SSBP1: variants seen among roughly 807,000 people sequenced by gnomAD.
SSBP1 encodes single-stranded DNA-binding protein, mitochondrial.
Under a neutral mutation model 27.0 loss-of-function variants are expected in SSBP1, and 20 were observed. The observed-to-expected ratio is 0.74, with a 90% CI of 0.52 to 1.08. The LOEUF (loss-of-function observed/expected upper bound fraction) is 1.08. Ranked by LOEUF, SSBP1 falls within the 50% of genes least tolerant of loss-of-function variation. The pLI is 0.00. For missense variants in SSBP1, 137 were observed against 182.4 expected, an observed-to-expected ratio of 0.75 and a Z score of 1.44; for synonymous variants, 59 against 59.3, an observed-to-expected ratio of 1.00 and a Z score of 0.02.
At chr7:141,749,012 A>G (rs1238231194) in intron 6 of SSBP1, among the ~76,000 whole-genome samples, 1 of 152,248 alleles carries the variant, frequency 6.6e-6, no homozygotes, top group African/African-American at 2.4e-5. Flanking sequence ...TTTTGGAATT[A>G]TAAAGGAAAT....
chr7:141,739,753 T>A (rs1292407224), intron 2 of SSBP1: 1 of 152,236 alleles, frequency 6.6e-6, no homozygotes, highest in Non-Finnish European at 1.5e-5. Flanking sequence ...GGGCACCAGC[T>A]CCTGTAGATT....
chr7:141,739,122 A>G lies in SSBP1; in HGVS notation c.-43-2A>G. The G allele has an allele frequency of 6.4e-7, 1 of 1,552,476 alleles. No individual in the cohort carries two copies. Among genetic ancestry groups the G allele is most frequent in the Non-Finnish European group, 8.7e-7 (1 of 1,153,442 alleles). On this transcript the variant is annotated splice_acceptor_variant, in intron 1 of 6. Transcript: ENST00000265304. LOFTEE classifies it low-confidence loss of function (5UTR_SPLICE). ...TTTTCTTATTTTGTTTTTTTCCTTC[A>G]GGAAAAGCCTAAAGATTAGACTGTA...
In SSBP1 at chr7:141,741,846, A is replaced by G. The variant is rs1032152824; in HGVS notation, c.25-323A>G. ...TACTCTGTAATGTTAAAGTGATACT[A>G]TTTTGATTTTTCCTTTTGTGTGCAA... On this transcript the variant is annotated intron_variant, in intron 2 of 6. Coordinates refer to ENST00000265304, the MANE Select transcript of SSBP1 (RefSeq NM_003143.3). The G allele has an allele frequency of 7.9e-6, 8 of 1,010,124 alleles. No individual in the cohort carries two copies. In the East Asian group the frequency reaches 3.3e-4, roughly 42 times the overall value. The allele number at this position is 1,010,124 out of a possible 1,614,324, so 62.6% of individuals were successfully genotyped here. A position where few individuals can be genotyped will look rare whatever the true frequency, so the allele number is the denominator to read the frequency against.
chr7:141,745,165 G>A (rs924135237), intron 5 of SSBP1, among the ~76,000 whole-genome samples: 1 of 152,104 alleles, frequency 6.6e-6, no homozygotes, highest in African/African-American at 2.4e-5. Flanking sequence ...CAAAATCAAA[G>A]GTCAAGGAAA....
chr7:141,748,961 A>G (rs1331168197), intron 6 of SSBP1, among the ~76,000 whole-genome samples: 1 of 152,232 alleles, frequency 6.6e-6, no homozygotes, highest in Non-Finnish European at 1.5e-5. Flanking sequence ...TCATGAACAA[A>G]TATTCAGTCC....
Position 141,744,132 on chromosome 7 carries a change from C to G in SSBP1, c.314+143C>G, listed in dbSNP as rs1429925092. ...TAATTTAAGAGGTATTTACTAAGTC[C>G]TTGATACTATATGCATGGCATGTTG... is the stretch of plus-strand genomic sequence containing the variant. On this transcript the variant is annotated intron_variant, in intron 5 of 6. Coordinates refer to ENST00000265304, the MANE Select transcript of SSBP1 (RefSeq NM_003143.3). 6 of 680,516 alleles carry G rather than the reference C, an allele frequency of 8.8e-6. No homozygotes were observed. The Admixed American group carries it at 2.0e-4, about 23-fold the overall frequency. 42.2% of individuals were successfully genotyped at this position (680,516 alleles called of 1,614,324 possible). A position where few individuals can be genotyped will look rare whatever the true frequency, so the allele number is the denominator to read the frequency against.
intron 6 of SSBP1, among the ~76,000 whole-genome samples, chr7:141,746,910 A>C (rs1289001293): frequency 6.6e-6 from 1 of 152,234 alleles, no homozygotes; most frequent in Non-Finnish European, 1.5e-5. Flanking sequence ...AAAAAATACC[A>C]GTTCAGCATT....
chr7:141,749,592 G>T (rs201080433), intron 6 of SSBP1, among the ~76,000 whole-genome samples: 1 of 152,158 alleles, frequency 6.6e-6, no homozygotes, highest in Non-Finnish European at 1.5e-5. Flanking sequence ...GACCAGCCTG[G>T]CCAACATGGT....
intron 6 of SSBP1, among the ~76,000 whole-genome samples, chr7:141,749,660 T>C (rs1423225906): frequency 2.0e-5 from 3 of 152,126 alleles, no homozygotes; most frequent in Non-Finnish European, 4.4e-5. Context: ...TGCACACCTA[T>C]AATCCCAGCT....
chr7:141,743,822 T>G (rs1799663379), intron 4 of SSBP1, 80 bp from the exon 5 acceptor site: 1 of 1,550,088 alleles, frequency 6.5e-7, no homozygotes, highest in African/African-American at 1.4e-5. Flanking sequence ...CTGTTTGTTC[T>G]CTTAGAAATC....
At chr7:141,739,764 C>A (rs535024572) in intron 2 of SSBP1, 3 of 152,320 alleles carry the variant, frequency 2.0e-5, no homozygotes, top group Admixed American at 6.5e-5. Flanking sequence ...CCTGTAGATT[C>A]TTCTTTGGCT....
At chr7:141,749,743 C>T (rs945765733) in intron 6 of SSBP1, among the ~76,000 whole-genome samples, 3 of 152,302 alleles carry the variant, frequency 2.0e-5, no homozygotes, top group South Asian at 2.1e-4. Flanking sequence ...GATTGCACCA[C>T]TTCACTCCAG....
chr7:141,742,033 A>G, intron 2 of SSBP1, 136 bp from the exon 3 acceptor site: 1 of 683,312 alleles, frequency 1.5e-6, no homozygotes, highest in Admixed American at 2.7e-5. Context: ...TTGGGAGAAC[A>G]TGAGAAGAGC....
intron 6 of SSBP1, chr7:141,745,849 C>G (rs1799764063): frequency 6.9e-6 from 8 of 1,160,794 alleles, no homozygotes; most frequent in Non-Finnish European, 8.5e-6. Context: ...CATCCCAGTA[C>G]TTATTGTTGA....
intron 6 of SSBP1, among the ~76,000 whole-genome samples, chr7:141,749,747 A>G (rs945082494): frequency 1.1e-4 from 17 of 152,182 alleles, no homozygotes; most frequent in African/African-American, 2.9e-4. Flanking sequence ...GCACCACTTC[A>G]CTCCAGCCTG....
intron 5 of SSBP1, among the ~76,000 whole-genome samples, chr7:141,744,731 T>C (rs1289215122): frequency 6.6e-6 from 1 of 152,226 alleles, no homozygotes; most frequent in Non-Finnish European, 1.5e-5. Context: ...TTTATGAATA[T>C]GTGCACATAC....
Position 141,747,668 on chromosome 7 carries a change from G to A in SSBP1, c.403+2084G>A, listed in dbSNP as rs376664812. On this transcript the variant is annotated intron_variant, in intron 6 of 6. Transcript: ENST00000265304. ...CTCCCAAAGTGCTGGGATTACAGGCGTGAGCCACCGTGCCCGGCTAGATAA... is the reference window on the plus strand; with the variant it reads ...CTCCCAAAGTGCTGGGATTACAGGCATGAGCCACCGTGCCCGGCTAGATAA... Among the ~76,000 whole-genome samples the A allele has an allele frequency of 1.6e-3, 241 of 151,582 alleles. 3 individuals carry two copies. Among genetic ancestry groups the A allele is most frequent in the African/African-American group, 5.3e-3 (219 of 41,420 alleles).
intron 2 of SSBP1, chr7:141,740,372 T>A (rs571651661): frequency 1.3e-5 from 2 of 152,308 alleles, no homozygotes; most frequent in South Asian, 2.1e-4. Flanking sequence ...AGCTCTGAAT[T>A]CAGTGATGTG....
At chr7:141,745,351 C>G (rs1799739588) in intron 5 of SSBP1, 145 bp from the exon 6 acceptor site, 1 of 570,348 alleles carries the variant, frequency 1.8e-6, no homozygotes, top group Admixed American at 3.5e-5. Context: ...TACTCCTAAT[C>G]CTGAACCTTG....
Sources: allele counts gnomAD v4.1 joint callset (sites outside exome capture counted in the v4.1 genomes callset), GRCh38; gene constraint gnomAD v4.1.1; transcripts MANE v1.5; gene names NCBI Gene and HGNC (gene_info 2026-07-23, HGNC 2026-07-21).